The following CACNA1A variants were observed in gnomAD, a reference collection of about 807,000 sequenced individuals.
CACNA1A encodes voltage-dependent P/Q-type calcium channel subunit alpha-1A.
A neutral mutation model predicts 262.4 loss-of-function variants in CACNA1A; 57 were observed. The observed-to-expected ratio is 0.22, with a 90% CI of 0.18 to 0.27. The LOEUF (loss-of-function observed/expected upper bound fraction) is 0.27, where lower values mean the gene tolerates loss of function less well. Ranked by LOEUF, CACNA1A falls within the 10% of genes least tolerant of loss-of-function variation. The probability of loss-of-function intolerance (pLI) is 1.00; values close to 1 mark genes in which losing one functional copy is unlikely to be tolerated. For missense variants in CACNA1A, 2,526 were observed against 3,562.8 expected (o/e 0.71, Z 7.41); for synonymous variants, 1,431 against 1,419.3 (o/e 1.01, Z -0.18).
intron 6 of CACNA1A, among the ~76,000 whole-genome samples, chr19:13,354,010 G>C (rs2058960864): frequency 1.3e-5 from 2 of 152,178 alleles, no homozygotes; most frequent in African/African-American, 4.8e-5. Context: ...ATTTGCATCT[G>C]TCTCTCCTAC....
chr19:13,264,836 C>G (rs1171737539), intron 24 of CACNA1A, among the ~76,000 whole-genome samples: 1 of 151,816 alleles, frequency 6.6e-6, no homozygotes, highest in Non-Finnish European at 1.5e-5. Flanking sequence ...CAAAGGCTTA[C>G]AGTGTAATCT....
At chr19:13,243,295 G>A (rs1156626857) in intron 31 of CACNA1A, among the ~76,000 whole-genome samples, 1 of 152,230 alleles carries the variant, frequency 6.6e-6, no homozygotes, top group Non-Finnish European at 1.5e-5. Context: ...CTGGCTCACT[G>A]GAGCTGAAGG....
At chr19:13,393,562 TC>T (rs112610135) in intron 3 of CACNA1A, among the ~76,000 whole-genome samples, 11,578 of 97,108 alleles carry the variant, frequency 0.12, 1,087 homozygotes, top group African/African-American at 0.3. Flanking sequence ...GTTCCCTCCC[TC>T]CCCCCCTTCT....
intron 3 of CACNA1A, among the ~76,000 whole-genome samples, chr19:13,402,606 A>G (rs559125358): frequency 6.6e-6 from 1 of 151,166 alleles, no homozygotes; most frequent in Non-Finnish European, 1.5e-5. Flanking sequence ...AGAAAACCCC[A>G]AAACCTAACA....
chr19:13,483,519 C>G (rs77600075), intron 1 of CACNA1A, among the ~76,000 whole-genome samples: 3,402 of 152,276 alleles, frequency 0.022, 43 homozygotes, highest in Middle Eastern at 0.037. Flanking sequence ...CTGGCATGAG[C>G]ACACGACCTC....
intron 16 of CACNA1A, 38 bp downstream of exon 16, chr19:13,303,729 T>C: frequency 1.3e-6 from 2 of 1,569,476 alleles, no homozygotes; most frequent in Non-Finnish European, 1.8e-6. Context: ...CTGCCAGAGG[T>C]CCAGGCCTGT....
chr19:13,423,195 G>A (rs1156236100), intron 3 of CACNA1A, among the ~76,000 whole-genome samples: 1 of 152,172 alleles, frequency 6.6e-6, no homozygotes, highest in Non-Finnish European at 1.5e-5. Context: ...AGGACTTTAG[G>A]GGATTTGGAG....
intron 22 of CACNA1A, among the ~76,000 whole-genome samples, chr19:13,278,704 G>A (rs2057211829): frequency 6.6e-6 from 1 of 152,202 alleles, no homozygotes; most frequent in African/African-American, 2.4e-5. Context: ...ACAGGGTCAG[G>A]AATACAGTAG....
At chr19:13,289,623 C>CCT (rs1356889653) in intron 19 of CACNA1A, among the ~76,000 whole-genome samples, 1 of 152,134 alleles carries the variant, frequency 6.6e-6, no homozygotes, top group African/African-American at 2.4e-5. Flanking sequence ...AGTTACTTAG[C>CCT]CTCAGTTCCT....
intron 3 of CACNA1A, among the ~76,000 whole-genome samples, chr19:13,372,658 G>T (rs1374986333): frequency 6.6e-6 from 1 of 152,152 alleles, no homozygotes. Context: ...ACCTCCAAGG[G>T]TTGTGAGGAT....
intron 10 of CACNA1A, among the ~76,000 whole-genome samples, chr19:13,325,195 TC>T (rs756451528): frequency 3.3e-4 from 34 of 104,396 alleles, no homozygotes; most frequent in African/African-American, 5.2e-4. Flanking sequence ...TTCTTCTTCT[TC>T]TTTTTTTTTT....
At position 13,386,285 on chromosome 19, in the gene CACNA1A, C is replaced by T. The variant is rs542611608; in HGVS notation, c.540-14506G>A. 5.3e-5 allele frequency among the ~76,000 whole-genome samples: 8 copies of T among 152,264 alleles called. No individual in the cohort carries two copies. In the South Asian group the frequency reaches 1.7e-3, roughly 32 times the overall value. ...GAAAATGCCTAATAGTCTCTTTTTC[C>T]CAAGATTCCTTGCAATAAGAGCACT... is the stretch of plus-strand genomic sequence containing the variant. On this transcript the variant is annotated intron_variant, in intron 3 of 46. Transcript: ENST00000360228.
chr19:13,257,319 T>C, intron 28 of CACNA1A, 31 bp downstream of exon 28: 1 of 1,588,164 alleles, frequency 6.3e-7, no homozygotes, highest in South Asian at 1.1e-5. Flanking sequence ...GTCCCCAGTT[T>C]TTAAAGGACA....
At chr19:13,423,418 T>C (rs1057048689) in intron 3 of CACNA1A, among the ~76,000 whole-genome samples, 11 of 152,208 alleles carry the variant, frequency 7.2e-5, no homozygotes, top group Admixed American at 6.5e-5. Context: ...CTTGGGGGAA[T>C]GGTGCTGTGT....
chr19:13,446,610 CTTTT>C (rs528828997), intron 3 of CACNA1A, among the ~76,000 whole-genome samples: 2,028 of 120,016 alleles, frequency 0.017, 36 homozygotes, highest in African/African-American at 0.057. Flanking sequence ...CCATGCCAGG[CTTTT>C]TTTTTTTTTT....
intron 15 of CACNA1A, 23 bp downstream of exon 15, chr19:13,307,759 G>T (rs370230331): frequency 1.2e-5 from 19 of 1,605,862 alleles, no homozygotes; most frequent in Non-Finnish European, 4.3e-6. Flanking sequence ...GTGTTGGCCC[G>T]TGGGGCCAGG....
Position 13,285,132 on chromosome 19 carries a change from C to T in CACNA1A, c.3628G>A (p.Gly1210Arg). Residue 1210 changes from glycine (G) to arginine (R), a missense_variant, in exon 21 of 47, where the codon GGG becomes AGG. Physicochemically the swap from Gly to Arg is moderately radical, Grantham distance 125 (BLOSUM62 -2). This residue lies in a region of CACNA1A where 765 missense variants were observed against 748.6 expected (regional missense o/e 1.02). Coordinates refer to ENST00000360228, the MANE Select transcript of CACNA1A (RefSeq NM_001127222.2). ...GGCATTGGCTTAGGGCCGTCTTCCC[C>T]ACGGTCGTCTTCCTCCTCCTCCTTC... The part of the protein sequence containing the change: ...EKKEEEEDDR[G>R]EDGPKPMPPY... The T allele has an allele frequency of 6.2e-7, 1 of 1,613,958 alleles. No individual in the cohort carries two copies. Among genetic ancestry groups the T allele is most frequent in the Non-Finnish European group, 8.5e-7 (1 of 1,179,884 alleles).
Position 13,212,783 on chromosome 19 carries a change from T to A in CACNA1A, c.5941-43A>T. The A allele has an allele frequency of 9.7e-7, 1 of 1,030,780 alleles. No individual in the cohort carries two copies. The highest frequency in any genetic ancestry group is 1.4e-6 in the Non-Finnish European group (1 of 720,274). 63.9% of individuals were successfully genotyped at this position (1,030,780 alleles called of 1,614,324 possible). ...GAGCAGTGTGTGGACAAGGGTGGGG[T>A]GGTGGGACGGTGGTACCCAGAAGGC... On this transcript the variant is annotated intron_variant, in intron 40 of 46. Coordinates refer to ENST00000360228, the MANE Select transcript of CACNA1A (RefSeq NM_001127222.2). The surrounding 1 kb of genome is among the most constrained non-coding windows in gnomAD (Gnocchi z 5.6).
intron 3 of CACNA1A, among the ~76,000 whole-genome samples, chr19:13,402,686 T>G (rs912305091): frequency 7.4e-6 from 1 of 135,174 alleles, no homozygotes; most frequent in Non-Finnish European, 1.5e-5. Context: ...CAACATCAAT[T>G]AATTGATCAG....
Sources: gnomAD v4.1 joint callset for allele counts (sites outside exome capture counted in the v4.1 genomes callset) on GRCh38, gnomAD v4.1.1 for gene constraint, gnomAD v4.1.1 regional missense constraint, Gnocchi (gnomAD v3.1) non-coding constraint, MANE v1.5 for transcripts, NCBI Gene and HGNC (gene_info 2026-07-23, HGNC 2026-07-21) for gene names.